Variants in NPTXR observed in about 807,000 individuals in gnomAD.
NPTXR encodes neuronal pentraxin receptor.
NPTXR carries 12 observed loss-of-function variants against 32.2 expected under a neutral mutation model. The ratio of observed to expected loss-of-function variants is 0.37; its 90% confidence interval spans 0.24 to 0.60. The LOEUF is 0.60. Ranked by LOEUF, NPTXR falls within the 20% of genes least tolerant of loss-of-function variation. The pLI is 0.66. For missense variants in NPTXR, 612 were observed against 682.9 expected (o/e 0.90, Z 1.16); for synonymous variants, 323 against 315.8 (o/e 1.02, Z -0.24).
chr22:38,835,327 C>T (rs1375598262), intron 1 of NPTXR, among the ~76,000 whole-genome samples: 2 of 152,216 alleles, frequency 1.3e-5, no homozygotes, highest in African/African-American at 4.8e-5. Flanking sequence ...CCCCATACTG[C>T]CACCCTGCCT....
chr22:38,843,845 G>T lies in NPTXR; in HGVS notation c.14C>A (p.Ala5Asp). ...CAGCATGCCCGCGGCCAGCAGCACG[G>T]CCAGGAACTTCAGCGTGAGGCGGGC... The change falls in exon 1 of 5, where the codon GCC becomes GAC. Residue 5 changes from alanine (A) to aspartate (D), a missense_variant. Physicochemically the swap from Ala to Asp is moderately radical, Grantham distance 126 (BLOSUM62 -2). Transcript: ENST00000333039. The surrounding 1 kb of genome is among the most constrained non-coding windows in gnomAD (Gnocchi z 5.3). The T allele has an allele frequency of 9.9e-7, 1 of 1,008,330 alleles. No homozygotes were observed. The highest frequency in any genetic ancestry group is 1.2e-6 in the Non-Finnish European group (1 of 847,110). The allele number at this position is 1,008,330 out of a possible 1,614,324, so 62.5% of individuals were successfully genotyped here. A position where few individuals can be genotyped will look rare whatever the true frequency, so the allele number is the denominator to read the frequency against.
rs1005046916 is a variant in NPTXR, at chr22:38,826,746, C to A, written c.852G>T (p.Gly284=). ...CATCTGGAGGACTGTAGGCTGAGGA[C>A]CCTGAGGGTGGGCAAGGCAGACATG... Residue 284 remains glycine, a splice_region_variant and synonymous_variant, in exon 3 of 5, where the codon GGG becomes GGT. Transcript: ENST00000333039. 4.3e-6 allele frequency: 7 copies of A among 1,610,912 alleles called. No homozygotes were observed. The highest frequency in any genetic ancestry group is 4.0e-5 in the African/African-American group (3 of 74,886).
chr22:38,820,979 C>T lies in NPTXR; in HGVS notation c.*1630G>A, dbSNP rs2093096154. The T allele has an allele frequency of 6.6e-6, 1 of 152,448 alleles. No individual in the cohort carries two copies. Among genetic ancestry groups the T allele is most frequent in the African/African-American group, 2.4e-5 (1 of 41,428 alleles). 9.4% of individuals were successfully genotyped at this position (152,448 alleles called of 1,614,324 possible). Reference sequence around the variant, plus strand: ...GCGTGATCTCGGCTCACTGCAACCTCCACCTCCTCAGTTCAAGAGATTCTT... The same window carrying T: ...GCGTGATCTCGGCTCACTGCAACCTTCACCTCCTCAGTTCAAGAGATTCTT... On this transcript the variant is annotated 3_prime_UTR_variant, in exon 5 of 5. Coordinates refer to ENST00000333039, the MANE Select transcript of NPTXR (RefSeq NM_014293.4).
Position 38,843,277 on chromosome 22 carries a change from C to T in NPTXR, c.582G>A (p.Glu194=). The change falls in exon 1 of 5, where the codon GAG becomes GAA. Residue 194 remains glutamate, a synonymous_variant. Transcript: ENST00000333039. This position sits in a 1 kb window ranked among gnomAD's most constrained non-coding sequence, Gnocchi z 5.3. The stretch of plus-strand genomic sequence containing the variant: ...GGTCCCGCAGGGCGCGCACGGCGTC[C>T]TCCAGCTCCAGAATGAGCGCAGGCG... 7.0e-7 allele frequency: 1 copy of T among 1,434,970 alleles called. No individual in the cohort carries two copies. Among genetic ancestry groups the T allele is most frequent in the Non-Finnish European group, 9.1e-7 (1 of 1,100,952 alleles). The allele number at this position is 1,434,970 out of a possible 1,614,324, so 88.9% of individuals were successfully genotyped here. A position where few individuals can be genotyped will look rare whatever the true frequency, so the allele number is the denominator to read the frequency against.
chr22:38,824,462 A>G (rs1235367633), intron 3 of NPTXR, among the ~76,000 whole-genome samples: 1 of 152,138 alleles, frequency 6.6e-6, no homozygotes, highest in Non-Finnish European at 1.5e-5. Context: ...TATGGGAGGT[A>G]CAGAGGCTGC....
intron 1 of NPTXR, among the ~76,000 whole-genome samples, chr22:38,835,745 C>T (rs1402718699): frequency 6.6e-6 from 1 of 152,194 alleles, no homozygotes; most frequent in African/African-American, 2.4e-5. Context: ...GAAATCCTGG[C>T]TTGGTCTTGA....
At chr22:38,827,988 T>A (rs1299564270) in intron 2 of NPTXR, among the ~76,000 whole-genome samples, 1 of 152,252 alleles carries the variant, frequency 6.6e-6, no homozygotes, top group Admixed American at 6.5e-5. Flanking sequence ...CTTGAGCATG[T>A]CACTTGACTT....
Position 38,843,505 on chromosome 22 carries a change from GC to G in NPTXR, c.353del (p.Gly118AlafsTer98). 1 of 1,281,652 alleles carries G rather than the reference GC, an allele frequency of 7.8e-7. No individual in the cohort carries two copies. The highest frequency in any genetic ancestry group is 9.8e-7 in the Non-Finnish European group (1 of 1,016,138). The allele number at this position is 1,281,652 out of a possible 1,614,324, so 79.4% of individuals were successfully genotyped here. ...GCAGCAGCAGCAGCTCTTCGCGCTCGCCCGGCGCAGCGCCCGCCGCGTCCCC... is the reference window on the plus strand; with the variant it reads ...GCAGCAGCAGCAGCTCTTCGCGCTCGCCGGCGCAGCGCCCGCCGCGTCCCC... On this transcript the variant is annotated frameshift_variant, in exon 1 of 5. Coordinates refer to ENST00000333039, the MANE Select transcript of NPTXR (RefSeq NM_014293.4). LOFTEE classifies it high-confidence loss of function. This position sits in a 1 kb window ranked among gnomAD's most constrained non-coding sequence, Gnocchi z 5.3.
At chr22:38,838,573 ATTT>A (rs139377592) in intron 1 of NPTXR, among the ~76,000 whole-genome samples, 3,157 of 83,078 alleles carry the variant, frequency 0.038, 170 homozygotes, top group African/African-American at 0.15. Flanking sequence ...TCACCTGGCT[ATTT>A]TTTTTTTTTT....
chr22:38,831,115 T>G (rs1179858071), intron 1 of NPTXR, among the ~76,000 whole-genome samples: 1 of 152,096 alleles, frequency 6.6e-6, no homozygotes, highest in Non-Finnish European at 1.5e-5. Flanking sequence ...TTTCCCCTCC[T>G]CTAAAACGGG....
intron 3 of NPTXR, 84 bp from the exon 4 acceptor site, chr22:38,823,346 G>C: frequency 7.6e-7 from 1 of 1,313,014 alleles, no homozygotes; most frequent in Non-Finnish European, 1.1e-6. Flanking sequence ...GGGCTGGGGA[G>C]ACCCATGTCC....
At chr22:38,830,953 T>C (rs2093115222) in intron 1 of NPTXR, among the ~76,000 whole-genome samples, 1 of 152,072 alleles carries the variant, frequency 6.6e-6, no homozygotes, top group South Asian at 2.1e-4. Context: ...CCCACGAGGA[T>C]GGGGTGGAGG....
At chr22:38,825,561 A>G (rs1405079696) in intron 3 of NPTXR, among the ~76,000 whole-genome samples, 1 of 152,180 alleles carries the variant, frequency 6.6e-6, no homozygotes, top group Non-Finnish European at 1.5e-5. Flanking sequence ...TACAACCCTA[A>G]GAGACAAGAG....
intron 1 of NPTXR, among the ~76,000 whole-genome samples, chr22:38,836,935 C>T (rs973836851): frequency 3.3e-5 from 5 of 152,138 alleles, no homozygotes; most frequent in Admixed American, 2.6e-4. Flanking sequence ...CTGCCTCAGC[C>T]TCCCGAGTAG....
At chr22:38,824,608 A>C (rs552855876) in intron 3 of NPTXR, among the ~76,000 whole-genome samples, 1 of 152,302 alleles carries the variant, frequency 6.6e-6, no homozygotes, top group South Asian at 2.1e-4. Flanking sequence ...AGGCTGGAAT[A>C]AAAAGGGAAC....
intron 1 of NPTXR, among the ~76,000 whole-genome samples, chr22:38,836,120 G>T (rs1337763638): frequency 2.0e-5 from 3 of 152,150 alleles, no homozygotes; most frequent in Non-Finnish European, 4.4e-5. Flanking sequence ...ACCGAAACGG[G>T]AATGTTTTTA....
chr22:38,832,497 C>G (rs769361859), intron 1 of NPTXR, among the ~76,000 whole-genome samples: 1 of 152,204 alleles, frequency 6.6e-6, no homozygotes, highest in Non-Finnish European at 1.5e-5. Context: ...CCTGGCTCAG[C>G]CATAATGTGC....
chr22:38,828,592 G>T, intron 1 of NPTXR, 80 bp from the exon 2 acceptor site: 2 of 1,185,618 alleles, frequency 1.7e-6, no homozygotes, highest in Non-Finnish European at 2.4e-6. Context: ...TACCGCCCCT[G>T]CTCAGTGACC....
rs764918439 is a variant in NPTXR at position 38,826,453 on chromosome 22, G to A, written c.1098+47C>T. On this transcript the variant is annotated intron_variant, in intron 3 of 4. Transcript: ENST00000333039. Reference sequence around the variant, plus strand: ...GCCCAGTGTGGAGTGGGTGCTTCTGGAAGGGTGGCCCTCCCCCAGCCAGCC... The same window carrying A: ...GCCCAGTGTGGAGTGGGTGCTTCTGAAAGGGTGGCCCTCCCCCAGCCAGCC... The A allele has an allele frequency of 4.5e-6, 7 of 1,564,516 alleles. No homozygotes were observed. In the East Asian group the frequency reaches 1.6e-4, roughly 35 times the overall value.
Sources: allele counts gnomAD v4.1 joint callset (sites outside exome capture counted in the v4.1 genomes callset), GRCh38; gene constraint gnomAD v4.1.1; non-coding constraint Gnocchi (gnomAD v3.1); transcripts MANE v1.5; gene names NCBI Gene and HGNC (gene_info 2026-07-23, HGNC 2026-07-21).